The following CDH18 variants were observed in gnomAD, a reference collection of about 807,000 sequenced individuals.
The protein encoded by CDH18 is cadherin-18.
In CDH18, 31 loss-of-function variants were observed where a neutral mutation model predicts 67.9. That is an observed-to-expected ratio of 0.46 (90% CI 0.34 to 0.62). CDH18 has a LOEUF of 0.62. Ranked by LOEUF, CDH18 falls within the 20% of genes least tolerant of loss-of-function variation. CDH18 has a pLI of 0.01. For synonymous variants in CDH18, 362 were observed against 347.2 expected (o/e 1.04, Z -0.48); for missense variants, 890 against 975.5 (o/e 0.91, Z 1.17).
chr5:20,257,272 G>A (rs1744323651), intron 1 of CDH18, among the ~76,000 whole-genome samples: 1 of 151,964 alleles, frequency 6.6e-6, no homozygotes, highest in African/African-American at 2.4e-5. Context: ...TGCAACCCAT[G>A]CTTACATGAT....
intron 5 of CDH18, among the ~76,000 whole-genome samples, chr5:19,675,623 T>C (rs1386901619): frequency 6.6e-6 from 1 of 152,106 alleles, no homozygotes; most frequent in Non-Finnish European, 1.5e-5. Flanking sequence ...AACATCACTC[T>C]TATCCTGTTC....
At chr5:19,792,973 A>G (rs1376815755) in intron 3 of CDH18, among the ~76,000 whole-genome samples, 1 of 152,178 alleles carries the variant, frequency 6.6e-6, no homozygotes, top group Non-Finnish European at 1.5e-5. Flanking sequence ...CATTGTTGTC[A>G]TAGCCTTTAT....
At chr5:19,692,739 G>A (rs999306699) in intron 5 of CDH18, among the ~76,000 whole-genome samples, 2 of 151,766 alleles carry the variant, frequency 1.3e-5, no homozygotes, top group African/African-American at 4.8e-5. Context: ...TATAGATTTT[G>A]TTGAGGATGC....
chr5:19,729,889 T>C (rs1767366660), intron 4 of CDH18, among the ~76,000 whole-genome samples: 1 of 152,208 alleles, frequency 6.6e-6, no homozygotes. Flanking sequence ...TACCTGTCAT[T>C]GACATTGATT....
intron 1 of CDH18, among the ~76,000 whole-genome samples, chr5:20,416,675 A>G (rs551171537): frequency 3.4e-4 from 52 of 152,246 alleles, no homozygotes; most frequent in Admixed American, 5.9e-4. Flanking sequence ...TATGGACCAC[A>G]AAATGCATAG....
intron 2 of CDH18, among the ~76,000 whole-genome samples, chr5:20,245,902 T>C (rs1202362689): frequency 3.9e-5 from 6 of 152,118 alleles, no homozygotes; most frequent in Non-Finnish European, 5.9e-5. Flanking sequence ...GTTAACATGA[T>C]TTTTGCTTTG....
intron 1 of CDH18, among the ~76,000 whole-genome samples, chr5:20,264,446 A>G (rs896947468): frequency 1.1e-4 from 17 of 152,100 alleles, no homozygotes; most frequent in African/African-American, 4.1e-4. Context: ...GAAAATATTT[A>G]ATTTAATAGC....
chr5:20,199,623 G>A (rs1739283970), intron 2 of CDH18, among the ~76,000 whole-genome samples: 1 of 152,150 alleles, frequency 6.6e-6, no homozygotes, highest in Non-Finnish European at 1.5e-5. Flanking sequence ...CTGTTGAGAA[G>A]GCATGACTGT....
chr5:20,094,852 C>CTTT (rs1745745185), intron 2 of CDH18, among the ~76,000 whole-genome samples: 1 of 152,118 alleles, frequency 6.6e-6, no homozygotes, highest in East Asian at 1.9e-4. Flanking sequence ...AAGACACACG[C>CTTT]ACACATATAT....
intron 2 of CDH18, among the ~76,000 whole-genome samples, chr5:20,246,817 T>A (rs1330061508): frequency 6.6e-6 from 1 of 152,234 alleles, no homozygotes; most frequent in Non-Finnish European, 1.5e-5. Context: ...TAAATGAAAG[T>A]GTATATCCAA....
intron 2 of CDH18, among the ~76,000 whole-genome samples, chr5:19,960,563 G>GTGTGTGTGTGTGTGTGTGTGTA (rs1561635261): frequency 4.6e-5 from 2 of 43,560 alleles, no homozygotes; most frequent in African/African-American, 1.7e-4. Flanking sequence ...GTGTGTGTAT[G>GTGTGTGTGTGTGTGTGTGTGTA]TGTGTGTGTG....
intron 2 of CDH18, among the ~76,000 whole-genome samples, chr5:20,152,210 T>C (rs1751179679): frequency 6.9e-6 from 1 of 145,338 alleles, no homozygotes; most frequent in African/African-American, 2.5e-5. Flanking sequence ...TTATATATAA[T>C]ATAGATATAA....
intron 1 of CDH18, among the ~76,000 whole-genome samples, chr5:20,374,129 G>C (rs761527450): frequency 6.6e-6 from 1 of 152,106 alleles, no homozygotes; most frequent in Non-Finnish European, 1.5e-5. Flanking sequence ...CCAAGTTCCC[G>C]TGTTATTCTG....
chr5:20,140,265 C>A (rs1750129986), intron 2 of CDH18, among the ~76,000 whole-genome samples: 1 of 151,998 alleles, frequency 6.6e-6, no homozygotes, highest in Non-Finnish European at 1.5e-5. Flanking sequence ...GGGAATTGAA[C>A]AATGAGAACA....
chr5:20,157,139 T>C (rs1751592213), intron 2 of CDH18, among the ~76,000 whole-genome samples: 1 of 152,216 alleles, frequency 6.6e-6, no homozygotes, highest in Non-Finnish European at 1.5e-5. Flanking sequence ...GATTTTATTG[T>C]GAAACTCAGA....
intron 5 of CDH18, among the ~76,000 whole-genome samples, chr5:19,710,887 C>T (rs974469602): frequency 6.6e-6 from 1 of 151,870 alleles, no homozygotes; most frequent in South Asian, 2.1e-4. Context: ...CAGCATAGTA[C>T]TAACATAAAA....
chr5:20,320,729 A>G lies in CDH18; in HGVS notation c.-579-65224T>C, dbSNP rs1316786811. ...TAGTCCTGTCTCCAAGGTGAGACAC[A>G]GAGACCCAGCTCCGTAGCTGCTGCA... On this transcript the variant is annotated intron_variant, in intron 1 of 14. Coordinates refer to the CDH18 transcript ENST00000507958. 3.9e-5 allele frequency among the ~76,000 whole-genome samples: 6 copies of G among 152,168 alleles called. No homozygotes were observed. In the South Asian group the frequency reaches 6.2e-4, roughly 16 times the overall value.
intron 1 of CDH18, among the ~76,000 whole-genome samples, chr5:20,351,055 T>C (rs916776731): frequency 6.6e-6 from 1 of 152,044 alleles, no homozygotes; most frequent in African/African-American, 2.4e-5. Flanking sequence ...AGGCTTACCT[T>C]AACTGTTCTA....
At chr5:19,931,391 T>C (rs1267327595) in intron 2 of CDH18, among the ~76,000 whole-genome samples, 1 of 151,976 alleles carries the variant, frequency 6.6e-6, no homozygotes, top group Non-Finnish European at 1.5e-5. Context: ...AATGAAATTT[T>C]ATTTTCCTTT....
Sources: gnomAD v4.1 joint callset for allele counts (sites outside exome capture counted in the v4.1 genomes callset) on GRCh38, gnomAD v4.1.1 for gene constraint, MANE v1.5 for transcripts, NCBI Gene and HGNC (gene_info 2026-07-23, HGNC 2026-07-21) for gene names.